Variants in TRPM3 observed in about 807,000 individuals in gnomAD.
TRPM3 encodes long transient receptor potential channel 3.
TRPM3 carries 77 observed loss-of-function variants against 181.2 expected under a neutral mutation model. The ratio of observed to expected loss-of-function variants is 0.42; its 90% CI spans 0.35 to 0.51. The LOEUF (loss-of-function observed/expected upper bound fraction) is 0.51, where lower values mean the gene tolerates loss of function less well. TRPM3 is among the 20% of genes least tolerant of loss of function. The pLI, the probability that TRPM3 is intolerant of heterozygous loss-of-function variation, is 0.01. For synonymous variants in TRPM3, 745 were observed against 796.4 expected (o/e 0.94, Z 1.09); for missense variants, 1,759 against 2,196.7 (o/e 0.80, Z 3.98).
At chr9:70,994,320 A>G (rs1274474088) in intron 1 of TRPM3, among the ~76,000 whole-genome samples, 1 of 152,186 alleles carries the variant, frequency 6.6e-6, no homozygotes, top group Non-Finnish European at 1.5e-5. Flanking sequence ...GGCCAGTGTT[A>G]GTAATCCCAG....
In TRPM3 at chr9:71,308,937, G is replaced by A. The variant is rs1169798521; in HGVS notation, c.183+137716C>T. On this transcript the variant is annotated intron_variant, in intron 1 of 24. Coordinates refer to the TRPM3 transcript ENST00000357533. ...TTCTGTCATCAAAAGACATGACATAGATTGATGGAGACTTCAATAGGCTAT... is the reference window on the plus strand; with the variant it reads ...TTCTGTCATCAAAAGACATGACATAAATTGATGGAGACTTCAATAGGCTAT... 2.0e-5 allele frequency among the ~76,000 whole-genome samples: 3 copies of A among 152,146 alleles called. No individual in the cohort carries two copies. In the East Asian group the frequency reaches 5.8e-4, roughly 29 times the overall value.
In TRPM3 at chr9:70,529,121, A is replaced by G. The variant is rs910222280; in HGVS notation, c.*6832T>C. ...AAAACATTTGTTACAGAAATTTCAGAAAGTTTTTCCCGTGGTATCTGCCAA... is the reference window on the plus strand; with the variant it reads ...AAAACATTTGTTACAGAAATTTCAGGAAGTTTTTCCCGTGGTATCTGCCAA... On this transcript the variant is annotated 3_prime_UTR_variant, in exon 26 of 26. Coordinates refer to ENST00000677713, the MANE Select transcript of TRPM3 (RefSeq NM_001366145.2). 1.4e-4 allele frequency: 21 copies of G among 152,164 alleles called. No individual in the cohort carries two copies. The highest frequency in any genetic ancestry group is 4.3e-4 in the African/African-American group (18 of 41,446). The allele number at this position is 152,164 out of a possible 1,614,324, so 9.4% of individuals were successfully genotyped here.
chr9:71,376,024 T>C (rs1165258835), intron 1 of TRPM3, among the ~76,000 whole-genome samples: 2 of 152,100 alleles, frequency 1.3e-5, no homozygotes, highest in African/African-American at 2.4e-5. Context: ...TATTATACTG[T>C]AATAAAACAT....
chr9:70,828,096 A>C, intron 5 of TRPM3, 78 bp from the exon 6 acceptor site: 1 of 1,383,316 alleles, frequency 7.2e-7, no homozygotes, highest in Non-Finnish European at 1.0e-6. Context: ...AGACAGAGGA[A>C]AGAGAGGAAG....
At chr9:70,950,147 C>T (rs539266351) in intron 1 of TRPM3, among the ~76,000 whole-genome samples, 1 of 152,256 alleles carries the variant, frequency 6.6e-6, no homozygotes, top group South Asian at 2.1e-4. Flanking sequence ...ATTGCAATTT[C>T]TAGCAAAATC....
intron 1 of TRPM3, among the ~76,000 whole-genome samples, chr9:71,349,997 A>G (rs1405162367): frequency 1.7e-5 from 1 of 57,306 alleles, no homozygotes; most frequent in Non-Finnish European, 3.4e-5. Flanking sequence ...ATATATATAT[A>G]TATATGGGCC....
chr9:71,311,814 A>T (rs1461232715), intron 1 of TRPM3, among the ~76,000 whole-genome samples: 1 of 151,994 alleles, frequency 6.6e-6, no homozygotes, highest in African/African-American at 2.4e-5. Context: ...TAAATATAAA[A>T]ATAAAAAAAC....
chr9:71,036,435 C>G (rs145319813), intron 1 of TRPM3, among the ~76,000 whole-genome samples: 1 of 152,296 alleles, frequency 6.6e-6, no homozygotes, highest in East Asian at 1.9e-4. Context: ...AAACTCAGCA[C>G]AACCAAATTT....
At chr9:71,173,295 C>T (rs1325970333) in intron 1 of TRPM3, among the ~76,000 whole-genome samples, 2 of 152,044 alleles carry the variant, frequency 1.3e-5, no homozygotes, top group African/African-American at 4.8e-5. Flanking sequence ...ATGATTGTAA[C>T]ACCACTACCT....
chr9:71,370,306 A>G (rs1297614773), intron 1 of TRPM3, among the ~76,000 whole-genome samples: 2 of 152,242 alleles, frequency 1.3e-5, no homozygotes. Context: ...ATGGCATGGC[A>G]AAAGCTAAGA....
chr9:70,950,598 G>A (rs1461332205), intron 1 of TRPM3, among the ~76,000 whole-genome samples: 1 of 152,172 alleles, frequency 6.6e-6, no homozygotes, highest in Non-Finnish European at 1.5e-5. Context: ...TGGAAGCACT[G>A]AGAATGGCCA....
intron 8 of TRPM3, among the ~76,000 whole-genome samples, chr9:70,747,765 G>T (rs946618991): frequency 1.3e-5 from 2 of 151,906 alleles, no homozygotes; most frequent in Non-Finnish European, 2.9e-5. Context: ...AGAAAAGTTT[G>T]CCAACCCCTG....
intron 1 of TRPM3, among the ~76,000 whole-genome samples, chr9:71,090,570 T>C (rs1281796075): frequency 6.6e-6 from 1 of 152,152 alleles, no homozygotes; most frequent in African/African-American, 2.4e-5. Flanking sequence ...CAGTGCTCTT[T>C]CCTCTTGCCT....
chr9:70,549,679 G>GAA lies in TRPM3; in HGVS notation c.3575-6_3575-5insTT. On this transcript the variant is annotated splice_region_variant and splice_polypyrimidine_tract_variant and intron_variant, in intron 24 of 25. Coordinates refer to ENST00000677713, the MANE Select transcript of TRPM3 (RefSeq NM_001366145.2). ...CATCATCGGTTATGAAGAGTTCTGT[G>GAA]GAAAAAAAAAAAAAGGAAGTCTTGA... 6.4e-7 allele frequency: 1 copy of GAA among 1,564,350 alleles called. No homozygotes were observed. The highest frequency in any genetic ancestry group is 2.0e-5 in the Admixed American group (1 of 51,096).
At chr9:71,164,093 G>A (rs1268953530) in intron 1 of TRPM3, among the ~76,000 whole-genome samples, 1 of 152,092 alleles carries the variant, frequency 6.6e-6, no homozygotes, top group Non-Finnish European at 1.5e-5. Context: ...GCATCCAAGG[G>A]GAGCTGTACA....
intron 1 of TRPM3, among the ~76,000 whole-genome samples, chr9:71,300,752 A>G (rs894902466): frequency 3.3e-5 from 5 of 152,162 alleles, no homozygotes; most frequent in African/African-American, 1.2e-4. Context: ...TGTGTAAGCA[A>G]TCCCTAGATG....
At chr9:71,414,669 T>C (rs1028689671) in intron 1 of TRPM3, among the ~76,000 whole-genome samples, 1 of 152,114 alleles carries the variant, frequency 6.6e-6, no homozygotes, top group Non-Finnish European at 1.5e-5. Context: ...CACATAGATC[T>C]TGTGTTCAAA....
chr9:71,080,440 A>G (rs960873846), intron 1 of TRPM3, among the ~76,000 whole-genome samples: 1 of 152,142 alleles, frequency 6.6e-6, no homozygotes, highest in South Asian at 2.1e-4. Context: ...TCCCCAAACT[A>G]AGAAGGGAAG....
chr9:70,818,347 T>C lies in TRPM3; in HGVS notation c.973+9500A>G, dbSNP rs185195805. 1.7e-4 allele frequency among the ~76,000 whole-genome samples: 26 copies of C among 152,364 alleles called. No homozygotes were observed. The East Asian group carries it at 2.9e-3, about 17-fold the overall frequency. ...ATTATATGTTAGAGTTCTCTTTGCA[T>C]TCAATTTAGTAACTCTTTATTCAGC... is the stretch of plus-strand genomic sequence containing the variant. On this transcript the variant is annotated intron_variant, in intron 6 of 25. Transcript: ENST00000677713.
Sources: allele counts gnomAD v4.1 joint callset (sites outside exome capture counted in the v4.1 genomes callset), GRCh38; gene constraint gnomAD v4.1.1; transcripts MANE v1.5; gene names NCBI Gene and HGNC (gene_info 2026-07-23, HGNC 2026-07-21).